TACR3: variants seen among roughly 807,000 people sequenced by gnomAD.
The protein encoded by TACR3 is neuromedin-K receptor.
In TACR3, 34 loss-of-function variants were observed where a neutral mutation model predicts 35.0. That is an observed-to-expected ratio of 0.97 (90% CI 0.74 to 1.30). TACR3 has a LOEUF of 1.30. TACR3 is among the 50% of genes most tolerant of loss of function. TACR3 has a pLI of 0.00. For missense variants in TACR3, 558 were observed against 591.7 expected, an observed-to-expected ratio of 0.94 and a Z score of 0.59; for synonymous variants, 233 against 221.1, an observed-to-expected ratio of 1.05 and a Z score of -0.48.
intron 1 of TACR3, among the ~76,000 whole-genome samples, chr4:103,692,873 A>G (rs1301156573): frequency 6.6e-6 from 1 of 152,196 alleles, no homozygotes; most frequent in African/African-American, 2.4e-5. Flanking sequence ...TAAATCACCA[A>G]TGGAATAACA....
chr4:103,719,376 A>AACTGCC lies in TACR3; in HGVS notation c.294_299dup (p.Ala99_Val100dup). Reference sequence around the variant, plus strand: ...TCCAGATGACGATGAGATTTCCCAAAACTGCCACTGCCACCACCACACCAT... The same window carrying AACTGCC: ...TCCAGATGACGATGAGATTTCCCAAAACTGCCACTGCCACTGCCACCACCACACCAT... On this transcript the variant is annotated inframe_insertion, in exon 1 of 5. Coordinates refer to ENST00000304883, the MANE Select transcript of TACR3 (RefSeq NM_001059.3). 6.2e-7 allele frequency: 1 copy of AACTGCC among 1,614,188 alleles called. No individual in the cohort carries two copies. The highest frequency in any genetic ancestry group is 8.5e-7 in the Non-Finnish European group (1 of 1,180,028).
At chr4:103,694,302 A>C (rs1268846090) in intron 1 of TACR3, among the ~76,000 whole-genome samples, 3 of 144,658 alleles carry the variant, frequency 2.1e-5, no homozygotes, top group African/African-American at 8.7e-5. Flanking sequence ...CCAGGGACTA[A>C]TCTTGAGACA....
chr4:103,639,297 T>A (rs879494990), intron 3 of TACR3, among the ~76,000 whole-genome samples: 30 of 152,068 alleles, frequency 2.0e-4, no homozygotes, highest in Non-Finnish European at 4.0e-4. Flanking sequence ...TGTAGTGACA[T>A]GGATGAAACT....
intron 1 of TACR3, among the ~76,000 whole-genome samples, chr4:103,683,745 C>T (rs1722161589): frequency 6.6e-6 from 1 of 151,440 alleles, no homozygotes; most frequent in African/African-American, 2.4e-5. Context: ...AGAAAAATAA[C>T]ACCAGTGCTA....
chr4:103,676,839 A>G (rs2110206485), intron 1 of TACR3, among the ~76,000 whole-genome samples: 1 of 152,346 alleles, frequency 6.6e-6, no homozygotes, highest in African/African-American at 2.4e-5. Flanking sequence ...AAGCAATTGC[A>G]GCGAAAGCAA....
At chr4:103,718,130 T>G (rs1224807794) in intron 1 of TACR3, among the ~76,000 whole-genome samples, 1 of 152,206 alleles carries the variant, frequency 6.6e-6, no homozygotes, top group Non-Finnish European at 1.5e-5. Context: ...TTTATTATAA[T>G]GGCAACTGAA....
chr4:103,694,911 A>G (rs1722488291), intron 1 of TACR3, among the ~76,000 whole-genome samples: 1 of 152,168 alleles, frequency 6.6e-6, no homozygotes, highest in African/African-American at 2.4e-5. Context: ...ATAATTATTG[A>G]TATCAACAAT....
chr4:103,668,285 G>A (rs1339230117), intron 1 of TACR3, among the ~76,000 whole-genome samples: 1 of 152,158 alleles, frequency 6.6e-6, no homozygotes, highest in African/African-American at 2.4e-5. Flanking sequence ...CCACTGTACT[G>A]TAGTCTATCA....
At chr4:103,658,753 A>G (rs999879331) in intron 1 of TACR3, among the ~76,000 whole-genome samples, 1 of 152,178 alleles carries the variant, frequency 6.6e-6, no homozygotes, top group Non-Finnish European at 1.5e-5. Flanking sequence ...GATCGGTTTT[A>G]TGGAAGATAA....
intron 3 of TACR3, among the ~76,000 whole-genome samples, chr4:103,594,680 T>C (rs1315593865): frequency 6.6e-6 from 1 of 152,158 alleles, no homozygotes; most frequent in African/African-American, 2.4e-5. Context: ...TTTAGATAAA[T>C]TTCAATTTTC....
At chr4:103,635,443 C>T (rs915572956) in intron 3 of TACR3, among the ~76,000 whole-genome samples, 3 of 151,892 alleles carry the variant, frequency 2.0e-5, no homozygotes, top group Admixed American at 2.0e-4. Context: ...CACCCCTACC[C>T]CTGTGCAAAA....
At chr4:103,654,634 C>G (rs1002821167) in intron 3 of TACR3, among the ~76,000 whole-genome samples, 1 of 150,104 alleles carries the variant, frequency 6.7e-6, no homozygotes, top group Non-Finnish European at 1.5e-5. Context: ...CAACGTGGCA[C>G]ATGTATACAT....
chr4:103,633,144 C>G (rs75302849), intron 3 of TACR3, among the ~76,000 whole-genome samples: 2,822 of 152,128 alleles, frequency 0.019, 88 homozygotes, highest in African/African-American at 0.064. Context: ...TTTCTGGACA[C>G]ACCCTCTAAG....
chr4:103,670,665 A>G (rs780012925), intron 1 of TACR3, among the ~76,000 whole-genome samples: 2 of 151,954 alleles, frequency 1.3e-5, no homozygotes, highest in Non-Finnish European at 2.9e-5. Flanking sequence ...TTGATTTTGT[A>G]TTGTCCAACT....
intron 1 of TACR3, among the ~76,000 whole-genome samples, chr4:103,679,856 A>G (rs1418616805): frequency 6.6e-6 from 1 of 151,932 alleles, no homozygotes; most frequent in Non-Finnish European, 1.5e-5. Flanking sequence ...AACAAAAGGT[A>G]CACTGGAACT....
Position 103,614,882 on chromosome 4 carries a change from G to GTTTTTTT in TACR3, c.889-23200_889-23199insAAAAAAA, listed in dbSNP as rs1325226834. On this transcript the variant is annotated intron_variant, in intron 3 of 4. Coordinates refer to ENST00000304883, the MANE Select transcript of TACR3 (RefSeq NM_001059.3). ...ACTATAACCTAAGTTGATTATGAAT[G>GTTTTTTT]TGTTTTTTTTTTTTTTTTTTTTTTT... 1.5e-4 allele frequency among the ~76,000 whole-genome samples: 14 copies of GTTTTTTT among 90,872 alleles called. 1 individual carries two copies. The highest frequency in any genetic ancestry group is 8.2e-4 in the East Asian group (2 of 2,452). The allele number at this position is 90,872 out of a possible 152,430, so 59.6% of individuals were successfully genotyped here.
chr4:103,623,030 G>C (rs1379613115), intron 3 of TACR3, among the ~76,000 whole-genome samples: 1 of 151,948 alleles, frequency 6.6e-6, no homozygotes, highest in African/African-American at 2.4e-5. Context: ...CCTCCAACTG[G>C]AGTATACCTA....
chr4:103,595,924 CAG>C (rs1343632595), intron 3 of TACR3, among the ~76,000 whole-genome samples: 5 of 136,554 alleles, frequency 3.7e-5, no homozygotes, highest in African/African-American at 1.1e-4. Context: ...CAACAGTCCC[CAG>C]AGTGTGATGT....
chr4:103,717,577 T>C (rs1723118656), intron 1 of TACR3, among the ~76,000 whole-genome samples: 1 of 152,186 alleles, frequency 6.6e-6, no homozygotes, highest in Admixed American at 6.5e-5. Context: ...ACTAAAATTT[T>C]CTTCAAAGTT....
Sources: gnomAD v4.1 joint callset for allele counts (sites outside exome capture counted in the v4.1 genomes callset) on GRCh38, gnomAD v4.1.1 for gene constraint, MANE v1.5 for transcripts, NCBI Gene and HGNC (gene_info 2026-07-23, HGNC 2026-07-21) for gene names.